Variants in DAPP1 observed in about 807,000 individuals in gnomAD.
DAPP1 encodes the protein dual adapter for phosphotyrosine and 3-phosphotyrosine and 3-phosphoinositide.
A neutral mutation model predicts 41.5 loss-of-function variants in DAPP1; 20 were observed. That is an observed-to-expected ratio of 0.48 (90% CI 0.34 to 0.70). The LOEUF (loss-of-function observed/expected upper bound fraction) is 0.70. DAPP1 is among the 30% of genes least tolerant of loss of function. The pLI is 0.01. For synonymous variants in DAPP1, 113 were observed against 116.2 expected (o/e 0.97, Z 0.18); for missense variants, 233 against 333.4 (o/e 0.70, Z 2.35).
chr4:99,841,238 A>C (rs964007456), intron 3 of DAPP1, among the ~76,000 whole-genome samples: 2 of 152,200 alleles, frequency 1.3e-5, no homozygotes, highest in African/African-American at 4.8e-5. Flanking sequence ...TTCTTGGCAA[A>C]CTTGCCAGTG....
chr4:99,867,528 A>G (rs1724505055), intron 8 of DAPP1, among the ~76,000 whole-genome samples: 2 of 152,234 alleles, frequency 1.3e-5, no homozygotes, highest in African/African-American at 4.8e-5. Context: ...GAACTCTCCT[A>G]CATTGCTAGA....
intron 1 of DAPP1, among the ~76,000 whole-genome samples, chr4:99,821,011 T>A (rs937358622): frequency 3.9e-5 from 6 of 152,200 alleles, no homozygotes; most frequent in Non-Finnish European, 8.8e-5. Flanking sequence ...GAGTCCGTAT[T>A]ATAAGGCAGG....
At chr4:99,862,888 T>A (rs1187647732) in intron 5 of DAPP1, 122 bp from the exon 6 acceptor site, 15 of 682,250 alleles carry the variant, frequency 2.2e-5, no homozygotes, top group Non-Finnish European at 3.5e-5. Context: ...TTTTTCAGGG[T>A]TATAGTATTT....
At chr4:99,823,895 TA>T (rs1722853685) in intron 1 of DAPP1, among the ~76,000 whole-genome samples, 1 of 151,482 alleles carries the variant, frequency 6.6e-6, no homozygotes, top group Admixed American at 6.6e-5. Context: ...CTAAGCAAAA[TA>T]AGCGACTCAT....
intron 3 of DAPP1, among the ~76,000 whole-genome samples, chr4:99,852,741 A>G (rs773083467): frequency 1.3e-5 from 2 of 152,322 alleles, no homozygotes; most frequent in Admixed American, 6.5e-5. Context: ...AAATAAGGGC[A>G]ATGGAATGGA....
chr4:99,858,082 T>C (rs1041916628), intron 4 of DAPP1, among the ~76,000 whole-genome samples: 3 of 152,204 alleles, frequency 2.0e-5, no homozygotes, highest in Non-Finnish European at 4.4e-5. Context: ...CGTGACCAGA[T>C]AGAGCCTTCC....
intron 3 of DAPP1, among the ~76,000 whole-genome samples, chr4:99,847,720 T>TC (rs1723712527): frequency 6.6e-6 from 1 of 152,150 alleles, no homozygotes; most frequent in African/African-American, 2.4e-5. Context: ...TAACCCAGGG[T>TC]CCCTTTCTTC....
Position 99,834,391 on chromosome 4 carries a change from AT to A in DAPP1, c.102-1219del, listed in dbSNP as rs1018060738. 8.1e-3 allele frequency among the ~76,000 whole-genome samples: 1,184 copies of A among 146,304 alleles called. 3 individuals are homozygous for A. The highest frequency in any genetic ancestry group is 0.018 in the South Asian group (83 of 4,658). On this transcript the variant is annotated intron_variant, in intron 1 of 8. Coordinates refer to ENST00000512369, the MANE Select transcript of DAPP1 (RefSeq NM_014395.3). ...CTATGTCTCCTTTTGGACAATTTGA[AT>A]TTTTTTTTTTTTACCATAGATATAT...
At chr4:99,857,733 CACAT>C (rs1478959839) in intron 4 of DAPP1, among the ~76,000 whole-genome samples, 2 of 146,798 alleles carry the variant, frequency 1.4e-5, no homozygotes, top group East Asian at 4.0e-4. Context: ...CACACACACA[CACAT>C]AAAATAATGA....
At chr4:99,817,863 T>G (rs962169577) in intron 1 of DAPP1, among the ~76,000 whole-genome samples, 1 of 152,242 alleles carries the variant, frequency 6.6e-6, no homozygotes, top group African/African-American at 2.4e-5. Flanking sequence ...TAACTCTTCA[T>G]AGCAATCCAA....
chr4:99,843,496 T>TA (rs1381631659), intron 3 of DAPP1, among the ~76,000 whole-genome samples: 4 of 152,228 alleles, frequency 2.6e-5, no homozygotes, highest in Non-Finnish European at 4.4e-5. Flanking sequence ...TTGACAACTT[T>TA]AAGAGTATTT....
chr4:99,866,463 A>G, intron 8 of DAPP1: 1 of 739,350 alleles, frequency 1.4e-6, no homozygotes, highest in Non-Finnish European at 2.5e-6. Flanking sequence ...AAGCTGACAT[A>G]CTTCTCTAGT....
chr4:99,823,985 C>G (rs1283910446), intron 1 of DAPP1, among the ~76,000 whole-genome samples: 2 of 152,178 alleles, frequency 1.3e-5, no homozygotes, highest in Non-Finnish European at 2.9e-5. Context: ...TAATGTCTCA[C>G]AAATATATTA....
At chr4:99,842,620 T>C (rs1001756290) in intron 3 of DAPP1, among the ~76,000 whole-genome samples, 6 of 152,356 alleles carry the variant, frequency 3.9e-5, no homozygotes, top group African/African-American at 9.6e-5. Flanking sequence ...GGAAACAAGA[T>C]AATGTGCTCA....
intron 4 of DAPP1, 68 bp from the exon 5 acceptor site, chr4:99,861,510 A>C: frequency 4.9e-6 from 7 of 1,429,286 alleles, no homozygotes; most frequent in Non-Finnish European, 5.8e-6. Context: ...TAAAAATAGG[A>C]CATGAAAGGA....
At chr4:99,855,621 A>G (rs963165544) in intron 4 of DAPP1, among the ~76,000 whole-genome samples, 2 of 152,246 alleles carry the variant, frequency 1.3e-5, no homozygotes, top group East Asian at 3.9e-4. Context: ...TATGGACAAA[A>G]AAAATGTAAA....
chr4:99,829,758 A>G (rs916952876), intron 1 of DAPP1, among the ~76,000 whole-genome samples: 1 of 152,064 alleles, frequency 6.6e-6, no homozygotes, highest in Admixed American at 6.5e-5. Flanking sequence ...CTGAATTATC[A>G]TTCCATTCCC....
intron 1 of DAPP1, among the ~76,000 whole-genome samples, chr4:99,833,443 A>G (rs1723189385): frequency 6.6e-6 from 1 of 152,220 alleles, no homozygotes; most frequent in African/African-American, 2.4e-5. Flanking sequence ...GGTATCTTGG[A>G]GACCTATGTA....
chr4:99,863,748 C>A, intron 6 of DAPP1, 22 bp from the exon 7 acceptor site: 33 of 1,249,314 alleles, frequency 2.6e-5, no homozygotes, highest in Non-Finnish European at 3.6e-5. Context: ...TGGTGACATA[C>A]GTTGCTTTTT....
Sources: gnomAD v4.1 joint callset for allele counts (sites outside exome capture counted in the v4.1 genomes callset) on GRCh38, gnomAD v4.1.1 for gene constraint, MANE v1.5 for transcripts, NCBI Gene and HGNC (gene_info 2026-07-23, HGNC 2026-07-21) for gene names.